Variants in EYA4 observed in about 807,000 individuals in gnomAD.
The protein encoded by EYA4 is EYA transcriptional coactivator and phosphatase 4.
In EYA4, 31 loss-of-function variants were observed where a neutral mutation model predicts 87.9. The ratio of observed to expected loss-of-function variants is 0.35; its 90% CI spans 0.27 to 0.48. EYA4 has a LOEUF of 0.48. EYA4 is among the 20% of genes least tolerant of loss of function. EYA4 has a pLI of 0.99. For synonymous variants in EYA4, 263 were observed against 270.6 expected (o/e 0.97, Z 0.28); for missense variants, 678 against 761.4 (o/e 0.89, Z 1.29).
intron 2 of EYA4, among the ~76,000 whole-genome samples, chr6:133,275,463 G>A (rs972437287): frequency 3.3e-5 from 5 of 151,792 alleles, no homozygotes; most frequent in Non-Finnish European, 7.4e-5. Flanking sequence ...CGTTTGAGCT[G>A]TTTTGCATAC....
intron 3 of EYA4, 136 bp from the exon 4 acceptor site, chr6:133,446,494 A>G: frequency 1.1e-6 from 1 of 932,396 alleles, no homozygotes; most frequent in Non-Finnish European, 1.7e-6. Context: ...TGGCATGTTC[A>G]TCTGGTTGAC....
intron 2 of EYA4, among the ~76,000 whole-genome samples, chr6:133,363,594 C>G (rs1784624479): frequency 6.6e-6 from 1 of 151,982 alleles, no homozygotes; most frequent in Admixed American, 6.6e-5. Context: ...CCTGCCTCAG[C>G]CTCCCCAGCA....
At chr6:133,406,368 A>G (rs1314697587) in intron 3 of EYA4, among the ~76,000 whole-genome samples, 1 of 152,194 alleles carries the variant, frequency 6.6e-6, no homozygotes, top group Non-Finnish European at 1.5e-5. Flanking sequence ...AAGAGATGGC[A>G]TCAAACTGCA....
At chr6:133,338,292 A>G (rs1361532640) in intron 2 of EYA4, among the ~76,000 whole-genome samples, 3 of 152,198 alleles carry the variant, frequency 2.0e-5, no homozygotes, top group African/African-American at 7.2e-5. Context: ...AAAGGTCACT[A>G]CATCAATTGG....
chr6:133,519,206 G>A lies in EYA4; in HGVS notation c.1616+3771G>A, dbSNP rs1209122597. On this transcript the variant is annotated intron_variant, in intron 17 of 19. Coordinates refer to ENST00000355286, the MANE Select transcript of EYA4 (RefSeq NM_004100.5). ...ACCTTCAAAAAATTAATGAATCCAG[G>A]AGCTGGTTTTTTGAAAGGATCAACA... 2.3e-3 allele frequency among the ~76,000 whole-genome samples: 350 copies of A among 150,742 alleles called. 1 individual carries two copies. Among genetic ancestry groups the A allele is most frequent in the African/African-American group, 8.3e-3 (341 of 41,172 alleles).
chr6:133,384,612 C>A (rs527538612), intron 3 of EYA4, among the ~76,000 whole-genome samples: 1 of 152,148 alleles, frequency 6.6e-6, no homozygotes, highest in South Asian at 2.1e-4. Flanking sequence ...TTTGCCCAGA[C>A]GTTTTGATAA....
At chr6:133,398,682 A>G (rs866831394) in intron 3 of EYA4, among the ~76,000 whole-genome samples, 47 of 152,202 alleles carry the variant, frequency 3.1e-4, no homozygotes, top group Middle Eastern at 3.4e-3. Flanking sequence ...CTTTGAGAAG[A>G]CTCTAAGTAG....
rs879341746 is a variant in EYA4, at chr6:133,437,012, GA to G, written c.84-9609del. ...CATCTATGCTACAGAAAAATTGCAG[GA>G]AAAAAAAATCCCCAGAAACTAGTTG... On this transcript the variant is annotated intron_variant, in intron 3 of 19. Transcript: ENST00000355286. Among the ~76,000 whole-genome samples, 479 of 150,904 alleles carry G rather than the reference GA, an allele frequency of 3.2e-3. 8 individuals carry two copies. The highest frequency in any genetic ancestry group is 0.027 in the Admixed American group (410 of 15,176).
intron 3 of EYA4, among the ~76,000 whole-genome samples, chr6:133,390,251 G>A (rs1054708058): frequency 5.3e-5 from 8 of 151,854 alleles, no homozygotes; most frequent in Admixed American, 2.6e-4. Context: ...ACAGACTTTC[G>A]CTGTGTCACC....
intron 4 of EYA4, 89 bp downstream of exon 4, chr6:133,446,843 C>T: frequency 2.6e-6 from 3 of 1,161,516 alleles, no homozygotes; most frequent in Non-Finnish European, 3.8e-6. Flanking sequence ...AAATAAATAT[C>T]TTATTATCAA....
intron 3 of EYA4, among the ~76,000 whole-genome samples, chr6:133,440,255 A>T (rs2128608105): frequency 6.6e-6 from 1 of 152,356 alleles, no homozygotes; most frequent in East Asian, 1.9e-4. Flanking sequence ...ATTAGCACAT[A>T]TAAATGACAC....
At chr6:133,474,154 T>C (rs1324184830) in intron 11 of EYA4, among the ~76,000 whole-genome samples, 2 of 151,746 alleles carry the variant, frequency 1.3e-5, no homozygotes, top group African/African-American at 4.8e-5. Flanking sequence ...GACTGAATGA[T>C]GGACAAGACC....
chr6:133,527,550 A>G (rs1355886262), intron 19 of EYA4, among the ~76,000 whole-genome samples: 1 of 152,164 alleles, frequency 6.6e-6, no homozygotes, highest in Non-Finnish European at 1.5e-5. Context: ...CTTGATATCT[A>G]ATTAATGTAA....
chr6:133,266,984 G>A (rs1320623033), intron 1 of EYA4, among the ~76,000 whole-genome samples: 1 of 152,008 alleles, frequency 6.6e-6, no homozygotes, highest in African/African-American at 2.4e-5. Context: ...TTGTAGATAG[G>A]TAAATAAGAC....
At chr6:133,297,752 A>G (rs9373044) in intron 2 of EYA4, among the ~76,000 whole-genome samples, 22,813 of 152,258 alleles carry the variant, frequency 0.15, 1,756 homozygotes, top group Non-Finnish European at 0.17. Flanking sequence ...TGTTGTACCA[A>G]CAAAGGTTTC....
chr6:133,373,690 G>C (rs1018333573), intron 2 of EYA4, among the ~76,000 whole-genome samples: 2 of 151,956 alleles, frequency 1.3e-5, no homozygotes, highest in African/African-American at 4.8e-5. Context: ...TGACACCCAG[G>C]ACGGCAAAGA....
At chr6:133,259,331 A>G (rs892737486) in intron 1 of EYA4, among the ~76,000 whole-genome samples, 2 of 152,240 alleles carry the variant, frequency 1.3e-5, no homozygotes, top group African/African-American at 4.8e-5. Context: ...AGCAGGACAC[A>G]TAGCAGGGAA....
In EYA4 at chr6:133,352,774, C is replaced by T. The variant is rs114973497; in HGVS notation, c.34-29618C>T. Among the ~76,000 whole-genome samples, 890 of 152,168 alleles carry T rather than the reference C, an allele frequency of 5.8e-3. 6 individuals carry two copies. The highest frequency in any genetic ancestry group is 0.019 in the African/African-American group (772 of 41,534). Reference sequence around the variant, plus strand: ...TGTAGCTGGATTGAAAGGAGAATGACAGAAACACAGTCAAAGCCAAGCTTA... The same window carrying T: ...TGTAGCTGGATTGAAAGGAGAATGATAGAAACACAGTCAAAGCCAAGCTTA... On this transcript the variant is annotated intron_variant, in intron 2 of 19. Coordinates refer to ENST00000355286, the MANE Select transcript of EYA4 (RefSeq NM_004100.5).
intron 2 of EYA4, among the ~76,000 whole-genome samples, chr6:133,353,761 C>T (rs975223228): frequency 2.0e-5 from 3 of 152,094 alleles, no homozygotes; most frequent in East Asian, 3.9e-4. Context: ...ACTTGATTTA[C>T]GTAAGGGTGG....
Sources: gnomAD v4.1 joint callset for allele counts (sites outside exome capture counted in the v4.1 genomes callset) on GRCh38, gnomAD v4.1.1 for gene constraint, MANE v1.5 for transcripts, NCBI Gene and HGNC (gene_info 2026-07-23, HGNC 2026-07-21) for gene names.